KHDRBS2: variants seen among roughly 807,000 people sequenced by gnomAD.
The protein encoded by KHDRBS2 is KH RNA binding domain containing, signal transduction associated 2, also known as KH domain-containing, RNA-binding, signal transduction-associated protein 2.
A neutral mutation model predicts 44.3 loss-of-function variants in KHDRBS2; 26 were observed. That is an observed-to-expected ratio of 0.59 (90% confidence interval 0.43 to 0.81). The LOEUF is 0.81. KHDRBS2 is among the 40% of genes least tolerant of loss of function. The probability of loss-of-function intolerance (pLI) is 0.00; values close to 1 mark genes in which losing one functional copy is unlikely to be tolerated. For synonymous variants in KHDRBS2, 194 were observed against 151.1 expected (o/e 1.28, Z -2.08); for missense variants, 476 against 433.1 (o/e 1.10, Z -0.88).
At chr6:62,224,966 A>G (rs557538080) in intron 1 of KHDRBS2, among the ~76,000 whole-genome samples, 4 of 152,170 alleles carry the variant, frequency 2.6e-5, no homozygotes. Flanking sequence ...CTTGGTTTTG[A>G]CATTCCCTGT....
intron 1 of KHDRBS2, among the ~76,000 whole-genome samples, chr6:62,177,957 AT>A (rs949856746): frequency 1.7e-4 from 26 of 151,418 alleles, no homozygotes; most frequent in African/African-American, 5.8e-4. Flanking sequence ...CCACTCCTTC[AT>A]TTTTGAATCA....
chr6:62,030,189 A>G (rs1784091353), intron 3 of KHDRBS2, among the ~76,000 whole-genome samples: 1 of 152,088 alleles, frequency 6.6e-6, no homozygotes, highest in Non-Finnish European at 1.5e-5. Context: ...TTCTAATATC[A>G]CCACTCTGGT....
chr6:62,033,069 G>T (rs551209982), intron 3 of KHDRBS2, among the ~76,000 whole-genome samples: 3 of 151,676 alleles, frequency 2.0e-5, no homozygotes, highest in Non-Finnish European at 4.4e-5. Flanking sequence ...AATGTAACTG[G>T]CATACTAAAG....
At chr6:61,886,139 TA>T (rs1800921735) in intron 6 of KHDRBS2, among the ~76,000 whole-genome samples, 1 of 152,154 alleles carries the variant, frequency 6.6e-6, no homozygotes, top group Non-Finnish European at 1.5e-5. Context: ...CTGAGAATTA[TA>T]AAATTCCCCA....
chr6:61,551,502 T>C, the KHDRBS2 span, among the ~76,000 whole-genome samples: 1 of 152,210 alleles, frequency 6.6e-6, no homozygotes, highest in Non-Finnish European at 1.5e-5. Context: ...TTTATTATTT[T>C]ACATTTAAAT....
intron 6 of KHDRBS2, among the ~76,000 whole-genome samples, chr6:61,828,612 T>C (rs2127259611): frequency 6.6e-6 from 1 of 152,330 alleles, no homozygotes; most frequent in Admixed American, 6.5e-5. Context: ...TTCCTCTGTA[T>C]ACCTTTTGGG....
the KHDRBS2 span, among the ~76,000 whole-genome samples, chr6:61,636,264 T>C: frequency 1.3e-5 from 2 of 152,066 alleles, no homozygotes; most frequent in South Asian, 2.1e-4. Context: ...AGAACCTCCA[T>C]AATTTGATTT....
chr6:61,906,766 T>C (rs1381331533), intron 4 of KHDRBS2, among the ~76,000 whole-genome samples: 2 of 152,232 alleles, frequency 1.3e-5, no homozygotes, highest in Non-Finnish European at 2.9e-5. Flanking sequence ...CCATCCTGTA[T>C]ACCAACCACA....
At chr6:61,623,279 A>G in the KHDRBS2 span, among the ~76,000 whole-genome samples, 1 of 152,206 alleles carries the variant, frequency 6.6e-6, no homozygotes, top group Non-Finnish European at 1.5e-5. Flanking sequence ...ACAATGCAGC[A>G]AGAACAGACT....
chr6:62,005,032 C>T (rs1288298774), intron 3 of KHDRBS2, among the ~76,000 whole-genome samples: 3 of 151,876 alleles, frequency 2.0e-5, no homozygotes, highest in African/African-American at 7.3e-5. Flanking sequence ...TCCTAGTTGT[C>T]TTTTCCTTTA....
chr6:62,026,919 C>A (rs1783453720), intron 3 of KHDRBS2, among the ~76,000 whole-genome samples: 1 of 151,838 alleles, frequency 6.6e-6, no homozygotes, highest in African/African-American at 2.4e-5. Flanking sequence ...GCCAGTATAG[C>A]TAGATACATG....
intron 2 of KHDRBS2, among the ~76,000 whole-genome samples, chr6:62,152,389 A>G (rs1312510774): frequency 1.3e-5 from 2 of 152,140 alleles, no homozygotes. Context: ...AGATAATACA[A>G]ATAAGTCAGC....
intron 2 of KHDRBS2, among the ~76,000 whole-genome samples, chr6:62,089,080 TG>T (rs1798986460): frequency 6.6e-6 from 1 of 152,052 alleles, no homozygotes; most frequent in Admixed American, 6.5e-5. Flanking sequence ...CTCACCAAGC[TG>T]GAGCATCCCA....
At chr6:61,763,717 T>C (rs1188464574) in intron 6 of KHDRBS2, among the ~76,000 whole-genome samples, 3 of 152,194 alleles carry the variant, frequency 2.0e-5, no homozygotes, top group African/African-American at 4.8e-5. Flanking sequence ...CACTTTAGAC[T>C]TATGTGGAAT....
At chr6:61,703,135 T>C (rs944056330) in intron 7 of KHDRBS2, among the ~76,000 whole-genome samples, 1 of 151,882 alleles carries the variant, frequency 6.6e-6, no homozygotes, top group Non-Finnish European at 1.5e-5. Flanking sequence ...AACCAGGTTG[T>C]ATTTATATAA....
intron 6 of KHDRBS2, among the ~76,000 whole-genome samples, chr6:61,744,109 G>A (rs1485789021): frequency 6.6e-6 from 1 of 152,010 alleles, no homozygotes; most frequent in African/African-American, 2.4e-5. Context: ...AATATAAAAT[G>A]TAAAGAACTA....
intron 2 of KHDRBS2, among the ~76,000 whole-genome samples, chr6:62,113,141 A>G (rs1354360944): frequency 1.3e-5 from 2 of 152,128 alleles, no homozygotes; most frequent in Non-Finnish European, 2.9e-5. Context: ...TGTCACTATA[A>G]GAGCCACATA....
At chr6:61,948,654 C>CATTATTATTATTATTATTATT (rs145017316) in intron 4 of KHDRBS2, among the ~76,000 whole-genome samples, 42 of 141,596 alleles carry the variant, frequency 3.0e-4, no homozygotes, top group Admixed American at 5.0e-4. Flanking sequence ...TATATTCTCA[C>CATTATTATTATTATTATTATT]ATTATTATTA....
chr6:62,071,825 C>T (rs181187567), intron 2 of KHDRBS2, among the ~76,000 whole-genome samples: 181 of 152,252 alleles, frequency 1.2e-3, no homozygotes, highest in African/African-American at 1.9e-3. Context: ...GCAATGCGGG[C>T]TCTTTTTTTG....
Sources: gnomAD v4.1 joint callset for allele counts (sites outside exome capture counted in the v4.1 genomes callset) on GRCh38, gnomAD v4.1.1 for gene constraint, MANE v1.5 for transcripts, NCBI Gene and HGNC (gene_info 2026-07-23, HGNC 2026-07-21) for gene names.